The following PCGF6 variants were observed in gnomAD, a reference collection of about 807,000 sequenced individuals.
PCGF6 encodes the protein polycomb group RING finger protein 6.
A neutral mutation model predicts 45.5 loss-of-function variants in PCGF6; 24 were observed. The ratio of observed to expected loss-of-function variants is 0.53; its 90% confidence interval spans 0.38 to 0.74. The LOEUF (loss-of-function observed/expected upper bound fraction) is 0.74. PCGF6 is among the 30% of genes least tolerant of loss of function. The pLI is 0.00. For synonymous variants in PCGF6, 152 were observed against 162.1 expected, an observed-to-expected ratio of 0.94 and a Z score of 0.47; for missense variants, 356 against 443.2, an observed-to-expected ratio of 0.80 and a Z score of 1.77.
At chr10:103,311,266 C>G (rs958308229) in intron 9 of PCGF6, among the ~76,000 whole-genome samples, 1 of 151,920 alleles carries the variant, frequency 6.6e-6, no homozygotes, top group Non-Finnish European at 1.5e-5. Flanking sequence ...CTCAGCCTCC[C>G]GAGTAGCTGG....
intron 1 of PCGF6, among the ~76,000 whole-genome samples, chr10:103,349,915 T>A (rs1241585370): frequency 6.6e-6 from 1 of 151,534 alleles, no homozygotes; most frequent in Non-Finnish European, 1.5e-5. Context: ...ACCCCGTCTC[T>A]ACTAAAAATA....
At chr10:103,335,908 A>T (rs930378345) in intron 6 of PCGF6, among the ~76,000 whole-genome samples, 1 of 151,738 alleles carries the variant, frequency 6.6e-6, no homozygotes, top group Non-Finnish European at 1.5e-5. Context: ...CGGAGGTTGC[A>T]GTGAGCTGAG....
intron 7 of PCGF6, among the ~76,000 whole-genome samples, chr10:103,331,657 A>T (rs2093240474): frequency 6.6e-6 from 1 of 152,126 alleles, no homozygotes; most frequent in South Asian, 2.1e-4. Flanking sequence ...TACTTTTCTC[A>T]ATAGGTTTCA....
intron 8 of PCGF6, among the ~76,000 whole-genome samples, chr10:103,317,694 T>C (rs945735117): frequency 2.6e-5 from 4 of 151,476 alleles, no homozygotes; most frequent in Admixed American, 1.3e-4. Flanking sequence ...TAAAAAAAAT[T>C]GTAGAAAGTA....
intron 6 of PCGF6, among the ~76,000 whole-genome samples, chr10:103,336,797 C>A (rs1219794499): frequency 2.6e-5 from 4 of 152,048 alleles, no homozygotes; most frequent in Non-Finnish European, 4.4e-5. Context: ...ATCACTTGAA[C>A]CCGGGAGGCG....
chr10:103,334,222 G>T (rs1390171102), intron 6 of PCGF6, among the ~76,000 whole-genome samples: 3 of 151,918 alleles, frequency 2.0e-5, no homozygotes, highest in African/African-American at 7.2e-5. Flanking sequence ...GAAAATATGA[G>T]AATTTACTTA....
intron 9 of PCGF6, among the ~76,000 whole-genome samples, chr10:103,304,282 A>G (rs1592050651): frequency 6.6e-6 from 1 of 151,420 alleles, no homozygotes; most frequent in South Asian, 2.1e-4. Flanking sequence ...GATTACAGGC[A>G]CCCGCCACCA....
intron 6 of PCGF6, among the ~76,000 whole-genome samples, chr10:103,338,386 C>CA (rs1301087724): frequency 2.7e-5 from 4 of 148,200 alleles, no homozygotes; most frequent in Admixed American, 6.8e-5. Context: ...TACAAAAAAA[C>CA]AAAAAAAAAT....
intron 7 of PCGF6, among the ~76,000 whole-genome samples, chr10:103,329,848 G>C (rs1267732416): frequency 6.6e-6 from 1 of 151,184 alleles, no homozygotes; most frequent in Admixed American, 6.6e-5. Flanking sequence ...GCACGATCTT[G>C]GCTCACTGCA....
At chr10:103,327,312 CAA>C (rs1449378067) in intron 7 of PCGF6, among the ~76,000 whole-genome samples, 6 of 151,594 alleles carry the variant, frequency 4.0e-5, no homozygotes, top group African/African-American at 1.5e-4. Context: ...ACAAAAAACC[CAA>C]AAAACTGCAA....
chr10:103,349,483 T>TG (rs1312125467), intron 1 of PCGF6, among the ~76,000 whole-genome samples: 22 of 116,724 alleles, frequency 1.9e-4, no homozygotes, highest in Non-Finnish European at 3.6e-4. Flanking sequence ...CTTTCCGTTT[T>TG]TTTTTTTTTT....
Position 103,326,625 on chromosome 10 carries a change from T to G in PCGF6, c.818A>C (p.Glu273Ala). 6.2e-7 allele frequency: 1 copy of G among 1,609,340 alleles called. No individual in the cohort carries two copies. Among genetic ancestry groups the G allele is most frequent in the East Asian group, 2.2e-5 (1 of 44,774 alleles). The change falls in exon 8 of 10, where the codon GAA becomes GCA. Residue 273 changes from glutamate (E) to alanine (A), a missense_variant. Coordinates refer to ENST00000369847, the MANE Select transcript of PCGF6 (RefSeq NM_001011663.2). The stretch of plus-strand genomic sequence containing the variant: ...TCCTGAAACTCGAACAAACTTCTTT[T>G]CCAATGGCTACAAAAACAGACAGAT... ...NEGTGHFKPL[E>A]KKFVRVSGEA... is the part of the protein sequence containing the mutation.
chr10:103,341,193 C>A (rs2093279389), intron 6 of PCGF6, among the ~76,000 whole-genome samples: 1 of 151,306 alleles, frequency 6.6e-6, no homozygotes, highest in Non-Finnish European at 1.5e-5. Flanking sequence ...TGCGCCATTG[C>A]ACTCCAGCAT....
At chr10:103,321,615 G>A (rs765572236) in intron 8 of PCGF6, among the ~76,000 whole-genome samples, 1 of 152,010 alleles carries the variant, frequency 6.6e-6, no homozygotes, top group Non-Finnish European at 1.5e-5. Context: ...AGGAGGCTGA[G>A]GCAGGAGAAT....
intron 6 of PCGF6, among the ~76,000 whole-genome samples, chr10:103,344,552 G>A (rs1287628346): frequency 1.3e-5 from 2 of 151,734 alleles, no homozygotes; most frequent in Non-Finnish European, 2.9e-5. Flanking sequence ...ACAGGCGTAA[G>A]CCACCATGCC....
At chr10:103,341,157 A>C (rs1046576668) in intron 6 of PCGF6, among the ~76,000 whole-genome samples, 2 of 151,622 alleles carry the variant, frequency 1.3e-5, no homozygotes, top group Non-Finnish European at 1.5e-5. Flanking sequence ...TGAACCCGGG[A>C]GGTGGAGGTT....
chr10:103,345,024 C>T lies in PCGF6; in HGVS notation c.782G>A (p.Gly261Asp). ...AAAGGTAAATTTTTAGGGTACTCAC[C>T]CAATGAACTCCAGTAATAAAGACAT... The part of the protein sequence containing the change: ...LDMSLLLEFI[G>D]ANEGTGHFKP... The change falls in exon 6 of 10, where the codon GGT (glycine) becomes GAT (aspartate). Residue 261 changes from glycine (G) to aspartate (D), a missense_variant and splice_region_variant. Transcript: ENST00000369847. The T allele has an allele frequency of 2.5e-6, 4 of 1,582,112 alleles. No individual in the cohort carries two copies. Among genetic ancestry groups the T allele is most frequent in the Non-Finnish European group, 3.5e-6 (4 of 1,157,484 alleles).
At chr10:103,309,685 C>T (rs1465459877) in intron 9 of PCGF6, among the ~76,000 whole-genome samples, 17 of 152,090 alleles carry the variant, frequency 1.1e-4, no homozygotes. Flanking sequence ...AATCCCAGCA[C>T]TTTGGGAGGC....
intron 6 of PCGF6, among the ~76,000 whole-genome samples, chr10:103,335,463 G>C (rs1008683231): frequency 2.6e-5 from 4 of 151,836 alleles, no homozygotes; most frequent in Non-Finnish European, 5.9e-5. Context: ...CCGGGTTCAA[G>C]CGATTCTCTT....
Sources: gnomAD v4.1 joint callset for allele counts (sites outside exome capture counted in the v4.1 genomes callset) on GRCh38, gnomAD v4.1.1 for gene constraint, MANE v1.5 for transcripts, NCBI Gene and HGNC (gene_info 2026-07-23, HGNC 2026-07-21) for gene names.